COL4A1: variants seen among roughly 807,000 people sequenced by gnomAD.
COL4A1 encodes the protein collagen alpha-1(IV) chain.
Under a neutral mutation model 216.6 loss-of-function variants are expected in COL4A1, and 40 were observed. The ratio of observed to expected loss-of-function variants is 0.18; its 90% CI spans 0.14 to 0.24. COL4A1 has a LOEUF of 0.24. Ranked by LOEUF, COL4A1 falls within the 10% of genes least tolerant of loss-of-function variation. The probability of loss-of-function intolerance (pLI) is 1.00; values close to 1 mark genes in which losing one functional copy is unlikely to be tolerated. For synonymous variants in COL4A1, 839 were observed against 810.7 expected (o/e 1.03, Z -0.59); for missense variants, 1,628 against 2,196.8 (o/e 0.74, Z 5.18).
At chr13:110,184,671 G>A (rs1389042698) in intron 26 of COL4A1, among the ~76,000 whole-genome samples, 4 of 150,084 alleles carry the variant, frequency 2.7e-5, no homozygotes, top group Non-Finnish European at 5.9e-5. Context: ...GGAATGCTTA[G>A]GAACTGGACT....
chr13:110,171,980 G>A (rs1877664280), intron 41 of COL4A1, among the ~76,000 whole-genome samples: 1 of 152,250 alleles, frequency 6.6e-6, no homozygotes, highest in Non-Finnish European at 1.5e-5. Flanking sequence ...AAACACTCTG[G>A]GCTGGTCTCG....
At chr13:110,165,822 C>A (rs377667420) in intron 45 of COL4A1, among the ~76,000 whole-genome samples, 1 of 152,168 alleles carries the variant, frequency 6.6e-6, no homozygotes, top group Non-Finnish European at 1.5e-5. Flanking sequence ...GAGAAGCCAA[C>A]AGCACCTTTC....
intron 39 of COL4A1, 69 bp downstream of exon 39, chr13:110,174,377 T>C (rs1877779898): frequency 6.4e-6 from 10 of 1,559,298 alleles, no homozygotes; most frequent in Non-Finnish European, 8.8e-6. Flanking sequence ...TGGGAACTCC[T>C]TGGGGCCTCC....
intron 2 of COL4A1, among the ~76,000 whole-genome samples, chr13:110,219,920 A>ATATATGTATGTATATGTGTG (rs1273681723): frequency 8.8e-6 from 1 of 113,336 alleles, no homozygotes; most frequent in Non-Finnish European, 1.8e-5. Flanking sequence ...ATGTGTGTAT[A>ATATATGTATGTATATGTGTG]TATATGTATG....
chr13:110,189,805 C>T (rs1456692922), intron 24 of COL4A1, among the ~76,000 whole-genome samples: 1 of 152,146 alleles, frequency 6.6e-6, no homozygotes, highest in Non-Finnish European at 1.5e-5. Flanking sequence ...CTGTAAATCA[C>T]TTTGCTTCAT....
rs1314546248 is a variant in COL4A1 at position 110,268,223 on chromosome 13, G to C, written c.85-25489C>G. On this transcript the variant is annotated intron_variant, in intron 1 of 51. Transcript: ENST00000375820. The surrounding 1 kb of genome is among the most constrained non-coding windows in gnomAD (Gnocchi z 4.1). ...CAACTGTGTCCTGCCTCAGAGCACCGGCACTGCCAGTCCAAAACCAGGAAA... is the reference window on the plus strand; with the variant it reads ...CAACTGTGTCCTGCCTCAGAGCACCCGCACTGCCAGTCCAAAACCAGGAAA... 6.6e-6 allele frequency among the ~76,000 whole-genome samples: 1 copy of C among 152,166 alleles called. No homozygotes were observed. The highest frequency in any genetic ancestry group is 2.4e-5 in the African/African-American group (1 of 41,440).
Position 110,178,159 on chromosome 13 carries a change from T to A in COL4A1, c.2531A>T (p.Asp844Val), listed in dbSNP as rs368902134. The A allele has an allele frequency of 3.7e-6, 6 of 1,614,040 alleles. No individual in the cohort carries two copies. Among genetic ancestry groups the A allele is most frequent in the Non-Finnish European group, 5.1e-6 (6 of 1,180,030 alleles). ...GCCAGGGAGTCCTTGAGCCCCTTTATCTCCTTTAGGGCCCGGCATGTCCAG... is the reference window on the plus strand; with the variant it reads ...GCCAGGGAGTCCTTGAGCCCCTTTAACTCCTTTAGGGCCCGGCATGTCCAG... Reference protein sequence around the residue: ...PGLDMPGPKGDKGAQGLPGIT... With the variant: ...PGLDMPGPKGVKGAQGLPGIT... Residue 844 changes from aspartate (D) to valine (V), a missense_variant, in exon 32 of 52, where the codon GAT (aspartate) becomes GTT (valine). Around this residue, in one of 8 missense-constraint regions of COL4A1, gnomAD observed 701 missense variants for 892.5 expected, o/e 0.79. Coordinates refer to ENST00000375820, the MANE Select transcript of COL4A1 (RefSeq NM_001845.6).
chr13:110,221,990 A>G lies in COL4A1; in HGVS notation c.145-7975T>C, dbSNP rs571155408. Among the ~76,000 whole-genome samples, 8 of 152,288 alleles carry G rather than the reference A, an allele frequency of 5.3e-5. No individual in the cohort carries two copies. In the East Asian group the frequency reaches 1.5e-3, roughly 29 times the overall value. ...ACCAGCAGACAGTGCGTTCTCTGGA[A>G]ACACTTGTATTTTCCTGGCTCCGGG... On this transcript the variant is annotated intron_variant, in intron 2 of 51. Transcript: ENST00000375820.
chr13:110,206,948 T>C (rs1256041238), intron 13 of COL4A1, 57 bp from the exon 14 acceptor site: 8 of 1,571,594 alleles, frequency 5.1e-6, no homozygotes, highest in Non-Finnish European at 8.7e-7. Context: ...ATTTGTTATA[T>C]GCTGCATTAA....
chr13:110,209,203 G>A lies in COL4A1; in HGVS notation c.651+189C>T, dbSNP rs189436526. ...TGACTAAGGGATGGATGAAAGAAAA[G>A]ATCAATATATTGATAGATAATCAAT... On this transcript the variant is annotated intron_variant, in intron 11 of 51. Coordinates refer to ENST00000375820, the MANE Select transcript of COL4A1 (RefSeq NM_001845.6). Among the ~76,000 whole-genome samples the A allele has an allele frequency of 8.7e-4, 133 of 152,198 alleles. 1 individual carries two copies. Among genetic ancestry groups the A allele is most frequent in the South Asian group, 1.7e-3 (8 of 4,830 alleles).
intron 51 of COL4A1, among the ~76,000 whole-genome samples, chr13:110,151,344 A>T (rs575871152): frequency 2.4e-4 from 36 of 152,102 alleles, no homozygotes; most frequent in African/African-American, 8.7e-4. Flanking sequence ...CAACCTTATA[A>T]GAGGACACCG....
chr13:110,192,850 T>C lies in COL4A1; in HGVS notation c.1445A>G (p.Gln482Arg), dbSNP rs1419680618. ...CTTACCTATTTCTCCCGGGGGTCCCTGTGGCCCGGGAGGCCCCCGATATCC... is the reference window on the plus strand; with the variant it reads ...CTTACCTATTTCTCCCGGGGGTCCCCGTGGCCCGGGAGGCCCCCGATATCC... ...IDGYRGPPGP[Q>R]GPPGEIGFPG... The change falls in exon 23 of 52, where the codon CAG (glutamine) becomes CGG (arginine). Residue 482 changes from glutamine to arginine, a missense_variant. Coordinates refer to ENST00000375820, the MANE Select transcript of COL4A1 (RefSeq NM_001845.6). 1 of 1,614,054 alleles carries C rather than the reference T, an allele frequency of 6.2e-7. No homozygotes were observed. Among genetic ancestry groups the C allele is most frequent in the Non-Finnish European group, 8.5e-7 (1 of 1,179,934 alleles).
At chr13:110,236,343 T>C (rs1336068687) in intron 2 of COL4A1, among the ~76,000 whole-genome samples, 1 of 152,246 alleles carries the variant, frequency 6.6e-6, no homozygotes, top group Non-Finnish European at 1.5e-5. Context: ...ACAGATAATA[T>C]TTTTCTTCTT....
intron 1 of COL4A1, among the ~76,000 whole-genome samples, chr13:110,246,554 C>A (rs1464553275): frequency 6.6e-6 from 1 of 152,204 alleles, no homozygotes; most frequent in Non-Finnish European, 1.5e-5. Context: ...AGCTATGTCA[C>A]CATTTCATCA....
Position 110,255,357 on chromosome 13 carries a change from C to T in COL4A1, c.85-12623G>A, listed in dbSNP as rs78403428. Among the ~76,000 whole-genome samples, 617 of 151,056 alleles carry T rather than the reference C, an allele frequency of 4.1e-3. 6 individuals are homozygous for T. Among genetic ancestry groups the T allele is most frequent in the African/African-American group, 0.014 (573 of 41,104 alleles). On this transcript the variant is annotated intron_variant, in intron 1 of 51. Transcript: ENST00000375820. ...TGAGGAGGGAAGGGAAATGAGGAGA[C>T]TTGCAAGGACGTCCTTGCCCTTGGG...
intron 29 of COL4A1, among the ~76,000 whole-genome samples, chr13:110,179,987 A>G (rs1221282236): frequency 6.6e-6 from 1 of 152,226 alleles, no homozygotes; most frequent in East Asian, 1.9e-4. Flanking sequence ...GCCTGGATTT[A>G]GGCATAGATG....
In COL4A1 at chr13:110,242,693, A is replaced by G. The variant is rs1177312443; in HGVS notation, c.126T>C (p.His42=). The change falls in exon 2 of 52, where the codon CAT becomes CAC. Residue 42 remains histidine, a synonymous_variant. Transcript: ENST00000375820. Reference sequence around the variant, plus strand: ...AACTCACCTTTTGTCCCTTCACTCCATGGCAGTCACATTTGCCACAGCCAG... The same window carrying G: ...AACTCACCTTTTGTCCCTTCACTCCGTGGCAGTCACATTTGCCACAGCCAG... The part of the protein sequence containing the change: ...AGSGCGKCDC[H]GVKGQKGERG... 1.2e-6 allele frequency: 2 copies of G among 1,614,112 alleles called. No homozygotes were observed. Among genetic ancestry groups the G allele is most frequent in the African/African-American group, 2.7e-5 (2 of 74,938 alleles).
intron 1 of COL4A1, among the ~76,000 whole-genome samples, chr13:110,301,628 T>C (rs538842156): frequency 6.6e-6 from 1 of 152,296 alleles, no homozygotes; most frequent in Non-Finnish European, 1.5e-5. Flanking sequence ...CCACTCTGAC[T>C]CGAGAGGGGA....
At position 110,223,184 on chromosome 13, in the gene COL4A1, A is replaced by G. The variant is rs368283859; in HGVS notation, c.145-9169T>C. Reference sequence around the variant, plus strand: ...GTATGGAAATAGAAAATACTGAAAAAATTACATTCTACAAAGCATGCATAA... The same window carrying G: ...GTATGGAAATAGAAAATACTGAAAAGATTACATTCTACAAAGCATGCATAA... On this transcript the variant is annotated intron_variant, in intron 2 of 51. Coordinates refer to ENST00000375820, the MANE Select transcript of COL4A1 (RefSeq NM_001845.6). Among the ~76,000 whole-genome samples, 123 of 152,332 alleles carry G rather than the reference A, an allele frequency of 8.1e-4. 4 individuals are homozygous for G. The South Asian group carries it at 0.024, about 29-fold the overall frequency.
Sources: gnomAD v4.1 joint callset for allele counts (sites outside exome capture counted in the v4.1 genomes callset) on GRCh38, gnomAD v4.1.1 for gene constraint, gnomAD v4.1.1 regional missense constraint, Gnocchi (gnomAD v3.1) non-coding constraint, MANE v1.5 for transcripts, NCBI Gene and HGNC (gene_info 2026-07-23, HGNC 2026-07-21) for gene names.